HS2ST1: variants seen among roughly 807,000 people sequenced by gnomAD.
HS2ST1 encodes the protein heparan sulfate 2-O-sulfotransferase 1, also known as 2-O-sulfotransferase.
In HS2ST1, 18 loss-of-function variants were observed where a neutral mutation model predicts 42.9. The ratio of observed to expected loss-of-function variants is 0.42; its 90% CI spans 0.29 to 0.62. The LOEUF (loss-of-function observed/expected upper bound fraction) is 0.62, where lower values mean the gene tolerates loss of function less well. Ranked by LOEUF, HS2ST1 falls within the 20% of genes least tolerant of loss-of-function variation. The probability of loss-of-function intolerance (pLI) is 0.21; values close to 1 mark genes in which losing one functional copy is unlikely to be tolerated. For synonymous variants in HS2ST1, 146 were observed against 152.9 expected (o/e 0.95, Z 0.33); for missense variants, 334 against 433.8 (o/e 0.77, Z 2.04).
intron 1 of HS2ST1, among the ~76,000 whole-genome samples, chr1:86,919,760 CT>C (rs572618756): frequency 6.6e-6 from 1 of 151,850 alleles, no homozygotes; most frequent in African/African-American, 2.4e-5. Flanking sequence ...ATTTAGTGGA[CT>C]TTTTTTTGTT....
At chr1:87,049,896 G>A (rs1037178722) in intron 1 of HS2ST1, among the ~76,000 whole-genome samples, 3 of 151,950 alleles carry the variant, frequency 2.0e-5, no homozygotes, top group African/African-American at 7.2e-5. Context: ...TTTCCTGTGA[G>A]CTTTTAATTC....
intron 1 of HS2ST1, among the ~76,000 whole-genome samples, chr1:87,041,258 T>G (rs6699760): frequency 0.91 from 124,498 of 137,078 alleles, 56,778 homozygotes; most frequent in East Asian, 0.99. Context: ...AAAAAAAGTG[T>G]GCACCTGTAC....
chr1:86,985,553 T>TACACACACAC (rs71082055), intron 1 of HS2ST1, among the ~76,000 whole-genome samples: 15 of 37,430 alleles, frequency 4.0e-4, no homozygotes, highest in African/African-American at 9.0e-4. Flanking sequence ...CACATATATA[T>TACACACACAC]ACACACACAC....
chr1:87,101,156 G>GTTTTTTTTT (rs1162453464), intron 5 of HS2ST1, among the ~76,000 whole-genome samples: 66 of 91,126 alleles, frequency 7.2e-4, no homozygotes, highest in African/African-American at 1.0e-3. Flanking sequence ...TGTGTTTTTT[G>GTTTTTTTTT]TTTTTTTTTT....
chr1:86,938,014 AT>A (rs1206964155), intron 1 of HS2ST1, among the ~76,000 whole-genome samples: 1 of 152,172 alleles, frequency 6.6e-6, no homozygotes, highest in African/African-American at 2.4e-5. Context: ...ATTGTCTGAT[AT>A]TTAACTAGAG....
At chr1:86,964,666 C>T (rs563080638) in intron 1 of HS2ST1, among the ~76,000 whole-genome samples, 1 of 152,248 alleles carries the variant, frequency 6.6e-6, no homozygotes, top group South Asian at 2.1e-4. Context: ...AGAGGGAGAG[C>T]TGTGTTTATT....
intron 1 of HS2ST1, among the ~76,000 whole-genome samples, chr1:87,014,897 A>G (rs1434588201): frequency 1.3e-5 from 2 of 152,202 alleles, no homozygotes; most frequent in Non-Finnish European, 2.9e-5. Flanking sequence ...ACTTCTATAA[A>G]TACACACATT....
At chr1:86,938,642 A>G (rs1034205144) in intron 1 of HS2ST1, among the ~76,000 whole-genome samples, 5 of 152,182 alleles carry the variant, frequency 3.3e-5, no homozygotes, top group African/African-American at 9.6e-5. Context: ...GAAAAAATCA[A>G]TAAGTCAGTG....
chr1:86,939,277 A>G (rs1162408921), intron 1 of HS2ST1, among the ~76,000 whole-genome samples: 2 of 152,206 alleles, frequency 1.3e-5, no homozygotes, highest in Non-Finnish European at 2.9e-5. Flanking sequence ...GTGTACAATA[A>G]TCAGTTGTAA....
chr1:86,939,122 G>GT (rs1660714360), intron 1 of HS2ST1, among the ~76,000 whole-genome samples: 1 of 151,918 alleles, frequency 6.6e-6, no homozygotes, highest in Non-Finnish European at 1.5e-5. Context: ...TTTCAGTCTT[G>GT]TTTTTTTCTC....
At chr1:87,034,197 G>T (rs1424498834) in intron 1 of HS2ST1, among the ~76,000 whole-genome samples, 1 of 152,144 alleles carries the variant, frequency 6.6e-6, no homozygotes, top group Admixed American at 6.6e-5. Context: ...ATACCAGTGA[G>T]GAAGGTCACA....
chr1:87,100,565 T>C (rs1489237514), intron 5 of HS2ST1, among the ~76,000 whole-genome samples: 5 of 152,226 alleles, frequency 3.3e-5, no homozygotes, highest in Non-Finnish European at 5.9e-5. Context: ...CTTTTAGTCA[T>C]GCTAACCTCC....
chr1:87,029,165 A>G (rs1650165137), intron 1 of HS2ST1, among the ~76,000 whole-genome samples: 1 of 152,236 alleles, frequency 6.6e-6, no homozygotes. Flanking sequence ...TATACCTAAT[A>G]TAATTTAGTA....
intron 1 of HS2ST1, among the ~76,000 whole-genome samples, chr1:87,065,788 G>T (rs1051507004): frequency 6.6e-6 from 1 of 152,010 alleles, no homozygotes; most frequent in Admixed American, 6.6e-5. Flanking sequence ...TGTTATTATT[G>T]CTGATTTCTG....
chr1:86,941,809 A>G (rs1660769490), intron 1 of HS2ST1, among the ~76,000 whole-genome samples: 1 of 152,066 alleles, frequency 6.6e-6, no homozygotes, highest in African/African-American at 2.4e-5. Flanking sequence ...AGCTATATCA[A>G]AGCCCCTGGT....
At chr1:87,036,134 T>C (rs1475204529) in intron 1 of HS2ST1, among the ~76,000 whole-genome samples, 1 of 152,182 alleles carries the variant, frequency 6.6e-6, no homozygotes, top group East Asian at 1.9e-4. Flanking sequence ...GCAAAAGACA[T>C]GAATTCATCC....
chr1:86,966,651 C>T (rs1046852951), intron 1 of HS2ST1, among the ~76,000 whole-genome samples: 6 of 152,178 alleles, frequency 3.9e-5, no homozygotes, highest in Non-Finnish European at 7.4e-5. Flanking sequence ...TCTTACAGCC[C>T]AGGCTGATCT....
chr1:87,063,279 T>A (rs184045992), intron 1 of HS2ST1, among the ~76,000 whole-genome samples: 15 of 152,318 alleles, frequency 9.8e-5, no homozygotes, highest in Admixed American at 5.2e-4. Context: ...CTTTTCTTCA[T>A]CTCTTCCATT....
chr1:87,003,684 T>A (rs1419609454), intron 1 of HS2ST1, among the ~76,000 whole-genome samples: 1 of 149,064 alleles, frequency 6.7e-6, no homozygotes, highest in East Asian at 2.0e-4. Context: ...AAAGGATGGT[T>A]GCTTCTGTAC....
Sources: gnomAD v4.1 joint callset for allele counts (sites outside exome capture counted in the v4.1 genomes callset) on GRCh38, gnomAD v4.1.1 for gene constraint, MANE v1.5 for transcripts, NCBI Gene and HGNC (gene_info 2026-07-23, HGNC 2026-07-21) for gene names.